Variants in TLCD4 observed in about 807,000 individuals in gnomAD.
TLCD4 encodes the protein TLC domain-containing protein 4.
Under a neutral mutation model 24.2 loss-of-function variants are expected in TLCD4, and 7 were observed. That is an observed-to-expected ratio of 0.29 (90% CI 0.16 to 0.54). The LOEUF (loss-of-function observed/expected upper bound fraction) is 0.54. Ranked by LOEUF, TLCD4 falls within the 20% of genes least tolerant of loss-of-function variation. TLCD4 has a pLI of 0.95. For missense variants in TLCD4, 259 were observed against 313.9 expected (o/e 0.82, Z 1.32); for synonymous variants, 103 against 106.4 (o/e 0.97, Z 0.20).
chr1:95,156,508 A>G (rs1677638592), intron 5 of TLCD4, among the ~76,000 whole-genome samples: 1 of 152,186 alleles, frequency 6.6e-6, no homozygotes, highest in Non-Finnish European at 1.5e-5. Context: ...TGGCCAGAAA[A>G]TAACTTGATA....
intron 6 of TLCD4, among the ~76,000 whole-genome samples, chr1:95,185,239 C>T (rs1239758766): frequency 2.6e-5 from 4 of 151,844 alleles, no homozygotes; most frequent in African/African-American, 7.3e-5. Context: ...GAATTGAGCA[C>T]GTTGGTAAAA....
At chr1:95,136,031 G>A (rs1442279541) in intron 1 of TLCD4, among the ~76,000 whole-genome samples, 1 of 150,622 alleles carries the variant, frequency 6.6e-6, no homozygotes, top group Non-Finnish European at 1.5e-5. Context: ...CTGCTCTCAA[G>A]TTTTCAAGTT....
intron 6 of TLCD4, among the ~76,000 whole-genome samples, chr1:95,183,699 C>G (rs528266357): frequency 6.7e-4 from 102 of 151,972 alleles, no homozygotes; most frequent in African/African-American, 2.4e-3. Context: ...AAAGAATTAG[C>G]TGGGTGTGGT....
At chr1:95,108,217 G>C in the TLCD4 span, among the ~76,000 whole-genome samples, 1 of 151,936 alleles carries the variant, frequency 6.6e-6, no homozygotes, top group Admixed American at 6.6e-5. Context: ...CCTTGCTTAT[G>C]CTATTATTGT....
At chr1:95,183,822 G>A (rs1656276079) in intron 6 of TLCD4, among the ~76,000 whole-genome samples, 1 of 152,000 alleles carries the variant, frequency 6.6e-6, no homozygotes. Context: ...TGGCGACAGA[G>A]CAAGACTGTC....
chr1:95,130,262 C>G (rs1676854849), intron 1 of TLCD4, among the ~76,000 whole-genome samples: 2 of 152,114 alleles, frequency 1.3e-5, no homozygotes, highest in African/African-American at 4.8e-5. Context: ...AAGGGATTCT[C>G]CTGTCTCAGC....
chr1:95,152,396 A>G (rs1337752472), intron 5 of TLCD4, among the ~76,000 whole-genome samples: 2 of 152,122 alleles, frequency 1.3e-5, no homozygotes, highest in African/African-American at 2.4e-5. Context: ...CACTTATGCA[A>G]TAATGAGAAC....
chr1:95,119,478 A>G (rs182653405), intron 1 of TLCD4, among the ~76,000 whole-genome samples: 267 of 152,302 alleles, frequency 1.8e-3, no homozygotes, highest in Admixed American at 2.9e-3. Flanking sequence ...CTGTAACCAG[A>G]TAACTAGTAG....
chr1:95,164,294 C>T (rs1211248226), intron 5 of TLCD4: 1 of 152,564 alleles, frequency 6.6e-6, no homozygotes, highest in African/African-American at 2.4e-5. Flanking sequence ...ATGGGACCCT[C>T]TGAGCCAGGC....
intron 5 of TLCD4, among the ~76,000 whole-genome samples, chr1:95,161,352 C>T (rs1677796988): frequency 6.6e-6 from 1 of 151,934 alleles, no homozygotes; most frequent in African/African-American, 2.4e-5. Flanking sequence ...TAGTGATATC[C>T]CCTTTATCAT....
chr1:95,117,267 G>C (rs1244159523), upstream of TLCD4: 3 of 152,284 alleles, frequency 2.0e-5, no homozygotes, highest in Admixed American at 6.5e-5. Context: ...AGGTCTGCTC[G>C]GCGGCCCGCC....
intron 1 of TLCD4, among the ~76,000 whole-genome samples, chr1:95,143,071 A>G (rs1461857081): frequency 6.6e-6 from 1 of 151,992 alleles, no homozygotes; most frequent in Non-Finnish European, 1.5e-5. Flanking sequence ...GGCTGAAATG[A>G]AGTTATAAAG....
Position 95,151,365 on chromosome 1 carries a change from C to A in TLCD4, c.345C>A (p.Asp115Glu). 6.2e-7 allele frequency: 1 copy of A among 1,613,266 alleles called. No individual in the cohort carries two copies. ...IIILYWKVIG[D>E]KFFIMHHCAS... ...TTTTGTATTGGAAAGTGATTGGTGA[C>A]AAATTTTTTATAATGCATCATTGTG... Residue 115 changes from aspartate (D) to glutamate (E), a missense_variant, in exon 5 of 7, where the codon GAC becomes GAA. Transcript: ENST00000370203.
intron 6 of TLCD4, among the ~76,000 whole-genome samples, chr1:95,184,841 G>A (rs1678774073): frequency 6.6e-6 from 1 of 152,078 alleles, no homozygotes; most frequent in African/African-American, 2.4e-5. Flanking sequence ...CAAAATAAGT[G>A]ATCTTTCTGC....
rs1021621714 is a variant in TLCD4, at chr1:95,191,637, G to C, written c.561G>C (p.Val187=). ...TCATGACAGTAGTATTCTTCATCGTGCGGATTGCCTCAATGCTTCCTCATT... is the reference window on the plus strand; with the variant it reads ...TCATGACAGTAGTATTCTTCATCGTCCGGATTGCCTCAATGCTTCCTCATT... ...GILMTVVFFI[V]RIASMLPHYG... The change falls in exon 7 of 7, where the codon GTG becomes GTC. Residue 187 remains valine (V), a synonymous_variant. Transcript: ENST00000370203. 1.2e-6 allele frequency: 2 copies of C among 1,614,002 alleles called. No individual in the cohort carries two copies. The highest frequency in any genetic ancestry group is 1.7e-6 in the Non-Finnish European group (2 of 1,180,032).
At chr1:95,123,109 C>T (rs1306798132) in intron 1 of TLCD4, among the ~76,000 whole-genome samples, 12 of 152,072 alleles carry the variant, frequency 7.9e-5, no homozygotes, top group Admixed American at 3.3e-4. Flanking sequence ...GCGCCTAACC[C>T]GGGACATGAT....
chr1:95,161,741 GC>G (rs1339771465), intron 5 of TLCD4, among the ~76,000 whole-genome samples: 1 of 151,944 alleles, frequency 6.6e-6, no homozygotes, highest in Admixed American at 6.6e-5. Flanking sequence ...CTTTATTTCT[GC>G]CTTCATTTCG....
intron 5 of TLCD4, among the ~76,000 whole-genome samples, chr1:95,157,267 G>A (rs932076864): frequency 4.0e-5 from 6 of 151,530 alleles, no homozygotes; most frequent in Admixed American, 6.6e-5. Context: ...ATATACATAC[G>A]GGTTTATGCA....
At chr1:95,107,555 G>T in the TLCD4 span, among the ~76,000 whole-genome samples, 1 of 152,140 alleles carries the variant, frequency 6.6e-6, no homozygotes, top group Non-Finnish European at 1.5e-5. Context: ...TTTAGCAGGG[G>T]ATGGCAGTAG....
Sources: allele counts gnomAD v4.1 joint callset (sites outside exome capture counted in the v4.1 genomes callset), GRCh38; gene constraint gnomAD v4.1.1; transcripts MANE v1.5; gene names NCBI Gene and HGNC (gene_info 2026-07-23, HGNC 2026-07-21).